GABPB2: variants seen among roughly 807,000 people sequenced by gnomAD.
The protein encoded by GABPB2 is GA binding protein transcription factor subunit beta 2, also known as GA-binding protein subunit beta-2.
Under a neutral mutation model 39.1 loss-of-function variants are expected in GABPB2, and 23 were observed. That is an observed-to-expected ratio of 0.59 (90% CI 0.42 to 0.83). The LOEUF is 0.83. Among genes scored for constraint, GABPB2 ranks in the 40% least tolerant of loss-of-function variants. GABPB2 has a pLI of 0.00. For synonymous variants in GABPB2, 184 were observed against 199.3 expected, an observed-to-expected ratio of 0.92 and a Z score of 0.65; for missense variants, 467 against 541.1, an observed-to-expected ratio of 0.86 and a Z score of 1.36.
At chr1:151,104,806 C>CTTTCTTTCTTTCTTTCTT in intron 6 of GABPB2, among the ~76,000 whole-genome samples, 1 of 140,286 alleles carries the variant, frequency 7.1e-6, no homozygotes, top group East Asian at 2.1e-4. Context: ...TCTTTCTTTT[C>CTTTCTTTCTTTCTTTCTT]TTTCTTTCCT....
Position 151,093,272 on chromosome 1 carries a change from C to G in GABPB2, c.357C>G (p.Val119=). The G allele has an allele frequency of 6.2e-7, 1 of 1,613,064 alleles. No homozygotes were observed. Among genetic ancestry groups the G allele is most frequent in the Non-Finnish European group, 8.5e-7 (1 of 1,179,634 alleles). The change falls in exon 4 of 9, where the codon GTC becomes GTG. Residue 119 remains valine, a synonymous_variant. Coordinates refer to ENST00000368918, the MANE Select transcript of GABPB2 (RefSeq NM_144618.3). ...CCACAGAGCGCCACCATCGAGATGT[C>G]GTAGAGTTACTTATCAAATATGGAG... ...HWATERHHRD[V]VELLIKYGAD...
At chr1:151,098,501 T>TA (rs748009017) in intron 5 of GABPB2, among the ~76,000 whole-genome samples, 299 of 117,426 alleles carry the variant, frequency 2.5e-3, no homozygotes, top group African/African-American at 3.9e-3. Context: ...ACCCTGTCTC[T>TA]AAAAAAAAAA....
chr1:151,116,476 C>T (rs1680882324), intron 7 of GABPB2, among the ~76,000 whole-genome samples: 1 of 151,146 alleles, frequency 6.6e-6, no homozygotes, highest in Non-Finnish European at 1.5e-5. Context: ...TGTGTGTTGA[C>T]TCTTCTCTCA....
At chr1:151,072,980 A>AT (rs1409136129) in intron 1 of GABPB2, 1 of 151,878 alleles carries the variant, frequency 6.6e-6, no homozygotes, top group Non-Finnish European at 1.5e-5. Context: ...ACTTTATCCC[A>AT]TCCCCTATTG....
At chr1:151,076,663 C>G (rs1355790002) in intron 1 of GABPB2, among the ~76,000 whole-genome samples, 1 of 152,052 alleles carries the variant, frequency 6.6e-6, no homozygotes, top group Non-Finnish European at 1.5e-5. Flanking sequence ...CACCTGACCT[C>G]AGGTGATCCA....
chr1:151,116,173 C>T (rs1183137103), intron 7 of GABPB2, among the ~76,000 whole-genome samples: 2 of 152,038 alleles, frequency 1.3e-5, no homozygotes, highest in African/African-American at 2.4e-5. Flanking sequence ...AGGTGGATCA[C>T]GTGAGGTCGG....
Position 151,117,403 on chromosome 1 carries a change from C to A in GABPB2, c.934C>A (p.Pro312Thr), listed in dbSNP as rs1680957704. The part of the protein sequence containing the change: ...VQDGQQVLTV[P>T]AGKVAEETVI... ...CCTTTGACTTGTAGTTCTAACTGTACCTGCTGGTAAGGTTGCAGAGGAGAC... is the reference window on the plus strand; with the variant it reads ...CCTTTGACTTGTAGTTCTAACTGTAACTGCTGGTAAGGTTGCAGAGGAGAC... The change falls in exon 8 of 9, where the codon CCT (proline) becomes ACT (threonine). Residue 312 changes from proline to threonine, a missense_variant. By Grantham distance (38) the Pro-to-Thr change is conservative. Coordinates refer to ENST00000368918, the MANE Select transcript of GABPB2 (RefSeq NM_144618.3). The A allele has an allele frequency of 6.2e-7, 1 of 1,613,636 alleles. No individual in the cohort carries two copies. The highest frequency in any genetic ancestry group is 1.1e-5 in the South Asian group (1 of 91,070).
chr1:151,107,623 C>T (rs993214075), intron 7 of GABPB2, among the ~76,000 whole-genome samples: 3 of 151,834 alleles, frequency 2.0e-5, no homozygotes, highest in East Asian at 1.9e-4. Flanking sequence ...TCACCGCGCC[C>T]GGCCCTGATG....
chr1:151,101,938 G>C (rs1338426496), intron 5 of GABPB2, among the ~76,000 whole-genome samples: 1 of 152,178 alleles, frequency 6.6e-6, no homozygotes. Context: ...CATGTCTGTT[G>C]CCAGATCTAG....
chr1:151,079,723 C>G (rs114760542), intron 1 of GABPB2, among the ~76,000 whole-genome samples: 5,463 of 149,878 alleles, frequency 0.036, 138 homozygotes, highest in South Asian at 0.086. Context: ...ATGGTGAAAC[C>G]CTGTCTGTAC....
chr1:151,077,356 GT>G (rs35650542), intron 1 of GABPB2, among the ~76,000 whole-genome samples: 9,351 of 110,384 alleles, frequency 0.085, 358 homozygotes, highest in African/African-American at 0.14. Flanking sequence ...CAACTCATAG[GT>G]TTTTTTTTTT....
chr1:151,098,761 A>C (rs914700094), intron 5 of GABPB2, among the ~76,000 whole-genome samples: 1 of 152,182 alleles, frequency 6.6e-6, no homozygotes, highest in Admixed American at 6.6e-5. Flanking sequence ...AACAGCAGAG[A>C]AAACTACTTG....
At chr1:151,073,645 G>A (rs888532075) in intron 1 of GABPB2, among the ~76,000 whole-genome samples, 1 of 152,106 alleles carries the variant, frequency 6.6e-6, no homozygotes, top group Non-Finnish European at 1.5e-5. Flanking sequence ...AAGGAAGGCC[G>A]GCGCGGTGGC....
Position 151,096,428 on chromosome 1 carries a change from A to AAG in GABPB2, c.472-1410_472-1409dup, listed in dbSNP as rs752864004. 7.2e-4 allele frequency among the ~76,000 whole-genome samples: 109 copies of AAG among 150,956 alleles called. 2 individuals carry two copies. Among genetic ancestry groups the AAG allele is most frequent in the African/African-American group, 2.2e-3 (91 of 41,422 alleles). On this transcript the variant is annotated intron_variant, in intron 4 of 8. Transcript: ENST00000368918. ...GGACTCCGTCTCAAAAAAAAATAAAAAGAGAGAGAGAGAGACAGAGAAAGC... is the reference window on the plus strand; with the variant it reads ...GGACTCCGTCTCAAAAAAAAATAAAAAGAGAGAGAGAGAGAGACAGAGAAAGC...
chr1:151,105,009 C>G (rs1679850947), intron 6 of GABPB2, among the ~76,000 whole-genome samples: 1 of 151,798 alleles, frequency 6.6e-6, no homozygotes, highest in South Asian at 2.1e-4. Flanking sequence ...GGTTCAAGCA[C>G]AATTCTCCTG....
Position 151,108,629 on chromosome 1 carries a change from G to A in GABPB2, c.922+1407G>A, listed in dbSNP as rs879504174. On this transcript the variant is annotated intron_variant, in intron 7 of 8. Transcript: ENST00000368918. The stretch of plus-strand genomic sequence containing the variant: ...CTATCCTCCCGCCTCAGCCACCTGA[G>A]AAGCTGGGGCTACAGTTCCACGCCA... 2.6e-5 allele frequency among the ~76,000 whole-genome samples: 4 copies of A among 152,212 alleles called. No individual in the cohort carries two copies. In the East Asian group the frequency reaches 5.8e-4, roughly 22 times the overall value.
Position 151,120,566 on chromosome 1 carries a change from C to T in GABPB2, c.*2310C>T, listed in dbSNP as rs1163840781. On this transcript the variant is annotated 3_prime_UTR_variant, in exon 9 of 9. Transcript: ENST00000368918. Reference sequence around the variant, plus strand: ...TATGTGGGAGGAGTATATATAAAACCAAAATCCAGGCTGTGTTTCCACAGT... The same window carrying T: ...TATGTGGGAGGAGTATATATAAAACTAAAATCCAGGCTGTGTTTCCACAGT... The T allele has an allele frequency of 6.6e-6, 1 of 151,560 alleles. No individual in the cohort carries two copies. The highest frequency in any genetic ancestry group is 2.4e-5 in the African/African-American group (1 of 41,270). 9.4% of individuals were successfully genotyped at this position (151,560 alleles called of 1,614,324 possible).
chr1:151,093,435 G>A (rs771293021), intron 4 of GABPB2, 49 bp downstream of exon 4: 1 of 1,439,662 alleles, frequency 6.9e-7, no homozygotes, highest in Non-Finnish European at 9.3e-7. Context: ...TGAAGTTAAG[G>A]ATTTTTTTGT....
intron 6 of GABPB2, among the ~76,000 whole-genome samples, chr1:151,105,225 G>A (rs1441009796): frequency 1.3e-5 from 2 of 151,704 alleles, no homozygotes; most frequent in Non-Finnish European, 2.9e-5. Flanking sequence ...TTTAGATAGA[G>A]ACATTCCATA....
Sources: allele counts gnomAD v4.1 joint callset (sites outside exome capture counted in the v4.1 genomes callset), GRCh38; gene constraint gnomAD v4.1.1; transcripts MANE v1.5; gene names NCBI Gene and HGNC (gene_info 2026-07-23, HGNC 2026-07-21).